The following ESRRG variants were observed in gnomAD, a reference collection of about 807,000 sequenced individuals.
The protein encoded by ESRRG is estrogen-related receptor gamma.
In ESRRG, 13 loss-of-function variants were observed where a neutral mutation model predicts 44.0. That is an observed-to-expected ratio of 0.30 (90% CI 0.19 to 0.47). The LOEUF (loss-of-function observed/expected upper bound fraction) is 0.47, where lower values mean the gene tolerates loss of function less well. Among genes scored for constraint, ESRRG ranks in the 20% least tolerant of loss-of-function variants. The pLI is 1.00. For missense variants in ESRRG, 395 were observed against 580.6 expected (o/e 0.68, Z 3.29); for synonymous variants, 215 against 214.6 (o/e 1.00, Z -0.02).
chr1:217,119,404 T>C (rs2092788375), intron 1 of ESRRG, among the ~76,000 whole-genome samples: 1 of 152,226 alleles, frequency 6.6e-6, no homozygotes, highest in East Asian at 1.9e-4. Flanking sequence ...GATGTGAAAA[T>C]AATCCAACAA....
At chr1:216,838,702 G>A (rs895908341) in intron 2 of ESRRG, among the ~76,000 whole-genome samples, 1 of 152,188 alleles carries the variant, frequency 6.6e-6, no homozygotes, top group African/African-American at 2.4e-5. Flanking sequence ...CTGCAATAAA[G>A]TGAATATCAC....
chr1:216,921,186 C>T (rs775340422), intron 2 of ESRRG, among the ~76,000 whole-genome samples: 3 of 152,076 alleles, frequency 2.0e-5, no homozygotes, highest in Non-Finnish European at 4.4e-5. Flanking sequence ...AAAGACATCA[C>T]GTAGATACCA....
chr1:216,515,156 A>T (rs983890461), intron 6 of ESRRG, among the ~76,000 whole-genome samples: 1 of 152,130 alleles, frequency 6.6e-6, no homozygotes, highest in South Asian at 2.1e-4. Context: ...TAAGCGATGT[A>T]TTCTCAAAGG....
At chr1:216,801,722 G>A (rs1236154695) in intron 2 of ESRRG, among the ~76,000 whole-genome samples, 8 of 152,016 alleles carry the variant, frequency 5.3e-5, no homozygotes. Flanking sequence ...ATACCTATTG[G>A]TCATTTTTCT....
chr1:216,756,667 T>C (rs1176384904), intron 2 of ESRRG, among the ~76,000 whole-genome samples: 1 of 151,928 alleles, frequency 6.6e-6, no homozygotes, highest in African/African-American at 2.4e-5. Context: ...GCTACAGAAC[T>C]TGCAAATATC....
chr1:216,622,231 A>G (rs920581855), intron 3 of ESRRG, among the ~76,000 whole-genome samples: 2 of 152,212 alleles, frequency 1.3e-5, no homozygotes, highest in Non-Finnish European at 2.9e-5. Flanking sequence ...ACCTCAATGG[A>G]GAAAGTCCTT....
In ESRRG at chr1:216,999,509, C is replaced by T. The variant is rs568502607; in HGVS notation, c.-105-59836G>A. Among the ~76,000 whole-genome samples, 3 of 152,232 alleles carry T rather than the reference C, an allele frequency of 2.0e-5. No homozygotes were observed. In the South Asian group the frequency reaches 6.2e-4, roughly 32 times the overall value. ...TAATCAGACCAACTTTACACAGCTG[C>T]TATGGATACACTGGGATTCAAGCCC... On this transcript the variant is annotated intron_variant, in intron 1 of 7. Coordinates refer to the ESRRG transcript ENST00000359162.
At chr1:216,886,012 A>G (rs2096512021) in intron 2 of ESRRG, among the ~76,000 whole-genome samples, 1 of 151,580 alleles carries the variant, frequency 6.6e-6, no homozygotes. Flanking sequence ...CCTCTATTTG[A>G]CCTTCCAATT....
chr1:216,819,013 A>G (rs1181828449), intron 2 of ESRRG, among the ~76,000 whole-genome samples: 1 of 152,104 alleles, frequency 6.6e-6, no homozygotes, highest in Non-Finnish European at 1.5e-5. Flanking sequence ...TCAGTTTATC[A>G]TTGATAGCAT....
At chr1:217,071,023 C>T (rs1465016461) in intron 1 of ESRRG, among the ~76,000 whole-genome samples, 1 of 152,132 alleles carries the variant, frequency 6.6e-6, no homozygotes, top group African/African-American at 2.4e-5. Flanking sequence ...ACTTTCTCTT[C>T]TTCCTCCTCC....
upstream of ESRRG, among the ~76,000 whole-genome samples, chr1:216,724,362 AT>A (rs35611593): frequency 0.019 from 2,722 of 143,048 alleles, 47 homozygotes; most frequent in Middle Eastern, 0.025. Context: ...TAAAGACAGC[AT>A]TTTTTTTTTT....
intron 1 of ESRRG, among the ~76,000 whole-genome samples, chr1:216,720,331 C>T (rs182117277): frequency 6.6e-6 from 1 of 152,100 alleles, no homozygotes; most frequent in Admixed American, 6.5e-5. Flanking sequence ...AAAACTCCAC[C>T]AACACCACAT....
At chr1:216,885,554 T>A (rs2096503161) in intron 2 of ESRRG, among the ~76,000 whole-genome samples, 1 of 152,152 alleles carries the variant, frequency 6.6e-6, no homozygotes, top group Non-Finnish European at 1.5e-5. Flanking sequence ...CACTATTTTT[T>A]TTTTAATAGT....
At chr1:216,926,907 C>T (rs2062667292) in intron 2 of ESRRG, among the ~76,000 whole-genome samples, 3 of 152,244 alleles carry the variant, frequency 2.0e-5, no homozygotes, top group South Asian at 4.2e-4. Flanking sequence ...TGTCACTAAG[C>T]GAGCTCTCCC....
chr1:216,877,388 TGTTTG>T (rs1559956239), intron 2 of ESRRG, among the ~76,000 whole-genome samples: 6 of 64,664 alleles, frequency 9.3e-5, no homozygotes, highest in South Asian at 7.7e-4. Flanking sequence ...TGTTTTTTTT[TGTTTG>T]TTTGTTTGTT....
intron 2 of ESRRG, among the ~76,000 whole-genome samples, chr1:216,807,834 C>T (rs1576769094): frequency 6.6e-6 from 1 of 152,110 alleles, no homozygotes. Context: ...TTAATGCTAA[C>T]CATTGCTGAG....
intron 2 of ESRRG, among the ~76,000 whole-genome samples, chr1:216,849,706 C>T (rs1194602764): frequency 6.6e-6 from 1 of 152,040 alleles, no homozygotes; most frequent in Non-Finnish European, 1.5e-5. Context: ...AATAAAAAGA[C>T]CCACGCTCCT....
intron 2 of ESRRG, among the ~76,000 whole-genome samples, chr1:216,849,371 G>T (rs1365311977): frequency 1.3e-5 from 2 of 152,074 alleles, no homozygotes; most frequent in African/African-American, 4.8e-5. Context: ...TTCGTCACAT[G>T]AACCCAACAG....
chr1:216,749,722 A>G (rs17043683), intron 2 of ESRRG, among the ~76,000 whole-genome samples: 13,282 of 152,256 alleles, frequency 0.087, 849 homozygotes, highest in African/African-American at 0.17. Context: ...CATGATGATG[A>G]CAGATCGAAA....
Sources: gnomAD v4.1 joint callset for allele counts (sites outside exome capture counted in the v4.1 genomes callset) on GRCh38, gnomAD v4.1.1 for gene constraint, MANE v1.5 for transcripts, NCBI Gene and HGNC (gene_info 2026-07-23, HGNC 2026-07-21) for gene names.